The following RPS6KA5 variants were observed in gnomAD, a reference collection of about 807,000 sequenced individuals.
RPS6KA5 encodes ribosomal protein S6 kinase A5.
A neutral mutation model predicts 85.5 loss-of-function variants in RPS6KA5; 27 were observed. The observed-to-expected ratio is 0.32, with a 90% CI of 0.23 to 0.44. The LOEUF is 0.44. RPS6KA5 is among the 20% of genes least tolerant of loss of function. RPS6KA5 has a pLI of 1.00. For synonymous variants in RPS6KA5, 334 were observed against 348.2 expected (o/e 0.96, Z 0.46); for missense variants, 811 against 980.9 (o/e 0.83, Z 2.31).
chr14:90,907,263 G>A (rs150067022), intron 7 of RPS6KA5, among the ~76,000 whole-genome samples: 5 of 152,266 alleles, frequency 3.3e-5, no homozygotes, highest in African/African-American at 1.2e-4. Context: ...TAATGTATAA[G>A]AGACAGTATA....
intron 7 of RPS6KA5, among the ~76,000 whole-genome samples, chr14:90,919,736 AAGAAG>A (rs1163527197): frequency 2.0e-5 from 3 of 152,224 alleles, no homozygotes; most frequent in African/African-American, 7.2e-5. Flanking sequence ...TCTGAAAGAA[AAGAAG>A]AGAATAATGC....
chr14:90,979,656 A>G (rs781661717), intron 2 of RPS6KA5, among the ~76,000 whole-genome samples: 2 of 152,258 alleles, frequency 1.3e-5, no homozygotes, highest in South Asian at 2.1e-4. Context: ...ACAATGTGCA[A>G]GAGATCAGTG....
At chr14:91,045,260 CTT>C (rs557182210) in intron 1 of RPS6KA5, among the ~76,000 whole-genome samples, 40 of 132,788 alleles carry the variant, frequency 3.0e-4, no homozygotes, top group Admixed American at 3.8e-4. Context: ...TCTGCTGATT[CTT>C]TTTTTTTTTT....
At chr14:90,969,932 A>C (rs1055337067) in intron 3 of RPS6KA5, among the ~76,000 whole-genome samples, 1 of 150,692 alleles carries the variant, frequency 6.6e-6, no homozygotes. Context: ...CTTCCTTCTG[A>C]TATGCTTCAC....
rs1399772704 is a variant in RPS6KA5, at chr14:91,060,343, T to A, written c.92A>T (p.Glu31Val). 1 of 1,417,310 alleles carries A rather than the reference T, an allele frequency of 7.1e-7. No individual in the cohort carries two copies. The highest frequency in any genetic ancestry group is 9.3e-7 in the Non-Finnish European group (1 of 1,074,932). 87.8% of individuals were successfully genotyped at this position (1,417,310 alleles called of 1,614,324 possible). The change falls in exon 1 of 17, where the codon GAG (glutamate) becomes GTG (valine). Residue 31 changes from glutamate to valine, a missense_variant. By Grantham distance (121) the Glu-to-Val change is moderately radical (BLOSUM62 -2). Around this residue, in one of 3 missense-constraint regions of RPS6KA5, gnomAD observed 113 missense variants for 100.0 expected, o/e 1.13. Coordinates refer to ENST00000614987, the MANE Select transcript of RPS6KA5 (RefSeq NM_004755.4). ...GCGGGGTCGCTCACCAGTCCGCAGC[T>A]CGTGCTTGACAGTGAGGAGCTGCTC... ...GGEQLLTVKH[E>V]LRTANLTGHA...
chr14:90,921,508 T>A (rs1469591422), intron 6 of RPS6KA5, among the ~76,000 whole-genome samples: 1 of 152,210 alleles, frequency 6.6e-6, no homozygotes, highest in African/African-American at 2.4e-5. Flanking sequence ...TTAACAGGTA[T>A]AAATTCCTAC....
At chr14:90,977,120 G>A (rs2039601867) in intron 3 of RPS6KA5, among the ~76,000 whole-genome samples, 1 of 152,136 alleles carries the variant, frequency 6.6e-6, no homozygotes, top group Non-Finnish European at 1.5e-5. Flanking sequence ...GCCTTTGTGT[G>A]GGTCAGTGAT....
At chr14:91,013,490 A>G (rs1328017252) in intron 1 of RPS6KA5, among the ~76,000 whole-genome samples, 1 of 152,166 alleles carries the variant, frequency 6.6e-6, no homozygotes, top group African/African-American at 2.4e-5. Flanking sequence ...AGTAGGAAGG[A>G]AAAGCATACA....
rs995029576 is a variant in RPS6KA5, at chr14:90,978,485, T to C, written c.215A>G (p.His72Arg). The change falls in exon 3 of 17, where the codon CAT becomes CGT. Residue 72 changes from histidine to arginine, a missense_variant. His to Arg is a conservative substitution (Grantham distance 29). This residue lies in a region of RPS6KA5 where 113 missense variants were observed against 100.0 expected (regional missense o/e 1.13). Coordinates refer to ENST00000614987, the MANE Select transcript of RPS6KA5 (RefSeq NM_004755.4). ...CATGGCATACAGCTTTCCAGTATCA[T>C]GGCCACTTATTTTACGAACTAGAAA... ...KVFLVRKISGHDTGKLYAMKV... is the reference protein window; with the variant it reads ...KVFLVRKISGRDTGKLYAMKV... The C allele has an allele frequency of 1.1e-5, 17 of 1,603,936 alleles. No homozygotes were observed. The highest frequency in any genetic ancestry group is 2.3e-5 in the South Asian group (2 of 88,008).
At chr14:90,947,267 A>AT (rs1449033751) in intron 4 of RPS6KA5, among the ~76,000 whole-genome samples, 168 bp downstream of exon 4, 1 of 152,172 alleles carries the variant, frequency 6.6e-6, no homozygotes, top group Admixed American at 6.5e-5. Context: ...TGGAAAGTAG[A>AT]TTTTTTCAAA....
intron 1 of RPS6KA5, among the ~76,000 whole-genome samples, chr14:91,005,189 C>T (rs913557621): frequency 1.3e-5 from 2 of 152,170 alleles, no homozygotes; most frequent in African/African-American, 4.8e-5. Flanking sequence ...ACTTCATTTA[C>T]TTGGCCTACA....
rs1035331817 is a variant in RPS6KA5 at position 90,852,478 on chromosome 14, G to A, written c.*19596C>T. Reference sequence around the variant, plus strand: ...TATATGTAAGTATTAGTCCAATCATGTGAAACCCAATAAAACAAGATTTGA... The same window carrying A: ...TATATGTAAGTATTAGTCCAATCATATGAAACCCAATAAAACAAGATTTGA... On this transcript the variant is annotated 3_prime_UTR_variant, in exon 17 of 17. Coordinates refer to ENST00000614987, the MANE Select transcript of RPS6KA5 (RefSeq NM_004755.4). 3.9e-5 allele frequency: 6 copies of A among 152,100 alleles called. No individual in the cohort carries two copies. The highest frequency in any genetic ancestry group is 2.6e-4 in the Admixed American group (4 of 15,266). The allele number at this position is 152,100 out of a possible 1,614,324, so 9.4% of individuals were successfully genotyped here.
chr14:90,927,365 C>G (rs2036729096), intron 5 of RPS6KA5, among the ~76,000 whole-genome samples: 1 of 151,952 alleles, frequency 6.6e-6, no homozygotes, highest in African/African-American at 2.4e-5. Context: ...AAAAATATAT[C>G]AGTAATCATA....
intron 2 of RPS6KA5, among the ~76,000 whole-genome samples, chr14:90,988,353 A>G (rs944676540): frequency 2.0e-5 from 3 of 152,262 alleles, no homozygotes; most frequent in African/African-American, 7.2e-5. Context: ...AGCTTCCCCA[A>G]TAATAGCTAA....
At chr14:90,973,214 G>A (rs2039403419) in intron 3 of RPS6KA5, among the ~76,000 whole-genome samples, 1 of 152,198 alleles carries the variant, frequency 6.6e-6, no homozygotes, top group Admixed American at 6.5e-5. Context: ...GCCGAGGTGG[G>A]CAGATCACTT....
intron 1 of RPS6KA5, among the ~76,000 whole-genome samples, chr14:91,040,331 C>A (rs765950763): frequency 2.0e-5 from 3 of 152,174 alleles, no homozygotes; most frequent in Non-Finnish European, 4.4e-5. Context: ...TCGCTTGAAC[C>A]CGAGAGGTGG....
At chr14:90,961,810 A>G (rs1286095) in intron 3 of RPS6KA5, among the ~76,000 whole-genome samples, 116,528 of 152,006 alleles carry the variant, frequency 0.77, 44,849 homozygotes, top group East Asian at 0.97. Flanking sequence ...CTGTTTTCTC[A>G]AAAAAAGTAC....
chr14:91,060,203 G>A (rs1330005147), intron 1 of RPS6KA5, 129 bp downstream of exon 1: 1 of 961,350 alleles, frequency 1.0e-6, no homozygotes, highest in Non-Finnish European at 1.2e-6. Context: ...CGACCGCGAC[G>A]CCCCGCCCCA....
intron 2 of RPS6KA5, among the ~76,000 whole-genome samples, chr14:90,988,582 C>T (rs1227298642): frequency 6.6e-6 from 1 of 152,034 alleles, no homozygotes; most frequent in Non-Finnish European, 1.5e-5. Flanking sequence ...TTTGGGAGGC[C>T]GAGGCGGGTG....
Sources: gnomAD v4.1 joint callset for allele counts (sites outside exome capture counted in the v4.1 genomes callset) on GRCh38, gnomAD v4.1.1 for gene constraint, gnomAD v4.1.1 regional missense constraint, MANE v1.5 for transcripts, NCBI Gene and HGNC (gene_info 2026-07-23, HGNC 2026-07-21) for gene names.